Variants in BDP1 observed in about 807,000 individuals in gnomAD.
BDP1 encodes the protein transcription factor TFIIIB component B'' homolog.
Under a neutral mutation model 266.6 loss-of-function variants are expected in BDP1, and 169 were observed. The observed-to-expected ratio is 0.63, with a 90% CI of 0.56 to 0.72. The LOEUF is 0.72. Among genes scored for constraint, BDP1 ranks in the 30% least tolerant of loss-of-function variants. BDP1 has a pLI of 0.00. For missense variants in BDP1, 3,015 were observed against 3,053.8 expected (o/e 0.99, Z 0.30); for synonymous variants, 1,090 against 1,022.4 (o/e 1.07, Z -1.26).
At chr5:71,458,134 C>A (rs1357636661) in intron 1 of BDP1, among the ~76,000 whole-genome samples, 11 of 152,050 alleles carry the variant, frequency 7.2e-5, no homozygotes, top group African/African-American at 2.7e-4. Context: ...TTTGACTGAC[C>A]TCGGGTTGAT....
downstream of BDP1, chr5:71,567,839 A>T (rs1319548432): frequency 6.6e-6 from 1 of 152,142 alleles, no homozygotes; most frequent in Non-Finnish European, 1.5e-5. Context: ...GTGTCCTTTT[A>T]AGATGACTAA....
chr5:71,544,558 G>A, intron 31 of BDP1, 51 bp downstream of exon 31: 1 of 1,550,428 alleles, frequency 6.4e-7, no homozygotes, highest in Non-Finnish European at 8.7e-7. Flanking sequence ...TTCAGCTATA[G>A]CCTTAAGTTG....
chr5:71,564,751 T>C lies in BDP1; in HGVS notation c.7744-3T>C. On this transcript the variant is annotated splice_region_variant and splice_polypyrimidine_tract_variant and intron_variant, in intron 38 of 38. Coordinates refer to ENST00000358731, the MANE Select transcript of BDP1 (RefSeq NM_018429.3). ...TTTTACTTTATTTTTATTACCTTTT[T>C]AGGTTTCTTGTGATCAGCCCTTACT... The C allele has an allele frequency of 6.3e-7, 1 of 1,594,050 alleles. No homozygotes were observed. The highest frequency in any genetic ancestry group is 1.1e-5 in the South Asian group (1 of 87,276).
intron 7 of BDP1, among the ~76,000 whole-genome samples, chr5:71,472,888 C>CTTTTTTTTT (rs57109617): frequency 1.7e-4 from 9 of 53,940 alleles, no homozygotes; most frequent in Admixed American, 2.6e-4. Flanking sequence ...CTCTCTCTCT[C>CTTTTTTTTT]TTTTTTTTTT....
chr5:71,509,938 C>G lies in BDP1; in HGVS notation c.2846C>G (p.Pro949Arg), dbSNP rs746509676. The G allele has an allele frequency of 6.8e-6, 11 of 1,613,320 alleles. No individual in the cohort carries two copies. The highest frequency in any genetic ancestry group is 9.3e-6 in the Non-Finnish European group (11 of 1,179,928). Residue 949 changes from proline (P) to arginine (R), a missense_variant, in exon 17 of 39, where the codon CCT (proline) becomes CGT (arginine). Around this residue, in one of 3 missense-constraint regions of BDP1, gnomAD observed 2,383 missense variants for 2,404.9 expected, o/e 0.99. Coordinates refer to ENST00000358731, the MANE Select transcript of BDP1 (RefSeq NM_018429.3). ...PQKNGPEEVK[P>R]LGEVETDLKA... ...AAAAATGGCCCAGAGGAGGTTAAGC[C>G]TCTAGGTGAAGTGGAGACAGATTTG...
intron 2 of BDP1, among the ~76,000 whole-genome samples, chr5:71,459,070 T>A (rs2150341998): frequency 6.6e-6 from 1 of 152,384 alleles, no homozygotes; most frequent in Middle Eastern, 3.4e-3. Context: ...TATTTATTTA[T>A]GTTTTCACTG....
intron 34 of BDP1, among the ~76,000 whole-genome samples, chr5:71,551,306 T>A (rs938113383): frequency 6.6e-6 from 1 of 152,142 alleles, no homozygotes; most frequent in Admixed American, 6.5e-5. Flanking sequence ...TAGGGACTGG[T>A]GATGACTCTT....
rs1488890041 is a variant in BDP1 at position 71,509,666 on chromosome 5, G to A, written c.2574G>A (p.Lys858=). 2 of 1,612,696 alleles carry A rather than the reference G, an allele frequency of 1.2e-6. No homozygotes were observed. Among genetic ancestry groups the A allele is most frequent in the Admixed American group, 3.4e-5 (2 of 59,654 alleles). ...RETVRLDTSP[K]EMVPAEINTK... is the part of the protein sequence containing the mutation. ...CTGTAAGACTAGACACCTCACCAAA[G>A]GAGATGGTACCAGCAGAGATTAATA... The change falls in exon 17 of 39, where the codon AAG becomes AAA. Residue 858 remains lysine (K), a synonymous_variant. Coordinates refer to ENST00000358731, the MANE Select transcript of BDP1 (RefSeq NM_018429.3).
intron 4 of BDP1, among the ~76,000 whole-genome samples, chr5:71,464,708 T>G (rs1211700156): frequency 7.4e-6 from 1 of 135,826 alleles, no homozygotes; most frequent in Non-Finnish European, 1.6e-5. Flanking sequence ...GTTGGCTAAA[T>G]TTTTTAGTTT....
rs906601294 is a variant in BDP1 at position 71,567,021 on chromosome 5, T to A, written c.*2136T>A. ...TTTAGTGAAATTTATGGCGTAACAC[T>A]TTGTCAGAGAGGAGGCTATATAATT... On this transcript the variant is annotated 3_prime_UTR_variant, in exon 39 of 39. Coordinates refer to ENST00000358731, the MANE Select transcript of BDP1 (RefSeq NM_018429.3). 6 of 152,188 alleles carry A rather than the reference T, an allele frequency of 3.9e-5. No homozygotes were observed. The highest frequency in any genetic ancestry group is 1.4e-4 in the African/African-American group (6 of 41,454). The allele number at this position is 152,188 out of a possible 1,614,324, so 9.4% of individuals were successfully genotyped here.
rs1428818574 is a variant in BDP1 at position 71,497,382 on chromosome 5, G to C, written c.1912G>C (p.Glu638Gln). 4 of 1,613,532 alleles carry C rather than the reference G, an allele frequency of 2.5e-6. No individual in the cohort carries two copies. The highest frequency in any genetic ancestry group is 3.4e-6 in the Non-Finnish European group (4 of 1,179,796). Residue 638 changes from glutamate (E) to glutamine (Q), a missense_variant, in exon 13 of 39, where the codon GAG (glutamate) becomes CAG (glutamine). Around this residue, in one of 3 missense-constraint regions of BDP1, gnomAD observed 2,383 missense variants for 2,404.9 expected, o/e 0.99. Transcript: ENST00000358731. ...ATCAGTTCTTTCACAAGGCAAAACA[G>C]AGTCAGAGAGCAAGAATTCACATTC... ...KKSVLSQGKT[E>Q]SESKNSHSKT...
chr5:71,541,978 A>C (rs1281742621), intron 29 of BDP1, 127 bp from the exon 30 acceptor site: 1 of 721,710 alleles, frequency 1.4e-6, no homozygotes, highest in East Asian at 2.9e-5. Flanking sequence ...TAGTATTAAG[A>C]AATGAACACT....
chr5:71,489,265 A>G, intron 9 of BDP1, 139 bp from the exon 10 acceptor site: 1 of 562,044 alleles, frequency 1.8e-6, no homozygotes, highest in Non-Finnish European at 3.1e-6. Flanking sequence ...GTCATTTCCC[A>G]TTAGACATTT....
chr5:71,508,757 T>G (rs763374975), intron 16 of BDP1, among the ~76,000 whole-genome samples: 1 of 152,242 alleles, frequency 6.6e-6, no homozygotes. Context: ...GATTTTACCA[T>G]CTATTATAAT....
rs185025023 is a variant in BDP1 at position 71,512,090 on chromosome 5, T to C, written c.4060-151T>C. On this transcript the variant is annotated intron_variant, in intron 17 of 38. Coordinates refer to ENST00000358731, the MANE Select transcript of BDP1 (RefSeq NM_018429.3). ...AAAAGGGTTTCCTGAATTCCAAGTT[T>C]TAACATTTGGAAATTAAATTTTATT... The C allele has an allele frequency of 1.1e-3, 452 of 430,354 alleles. 2 individuals are homozygous for C. The highest frequency in any genetic ancestry group is 7.6e-3 in the African/African-American group (371 of 49,014). The allele number at this position is 430,354 out of a possible 1,614,324, so 26.7% of individuals were successfully genotyped here.
intron 16 of BDP1, 146 bp downstream of exon 16, chr5:71,504,897 C>T: frequency 1.3e-6 from 1 of 752,226 alleles, no homozygotes; most frequent in Non-Finnish European, 2.2e-6. Flanking sequence ...CTTCACCTTT[C>T]AAGAAAGTTT....
downstream of BDP1, among the ~76,000 whole-genome samples, chr5:71,572,561 T>C (rs1042390497): frequency 6.6e-6 from 1 of 152,220 alleles, no homozygotes; most frequent in African/African-American, 2.4e-5. Context: ...ATGGGAAGTT[T>C]TCTGAATCAG....
At chr5:71,517,558 A>T in intron 22 of BDP1, 106 bp downstream of exon 22, 2 of 992,650 alleles carry the variant, frequency 2.0e-6, no homozygotes, top group South Asian at 3.7e-5. Flanking sequence ...GAAAATGTTA[A>T]AAGGATAAAG....
rs748032353 is a variant in BDP1, at chr5:71,562,400, A to T, written c.7623A>T (p.Lys2541Asn). 29 of 1,614,046 alleles carry T rather than the reference A, an allele frequency of 1.8e-5. 1 individual carries two copies. The highest frequency in any genetic ancestry group is 2.1e-5 in the Non-Finnish European group (25 of 1,179,976). Residue 2541 changes from lysine (K) to asparagine (N), a missense_variant, in exon 38 of 39, where the codon AAA becomes AAT. By Grantham distance (94) the Lys-to-Asn change is moderately conservative. This residue lies in a region of BDP1 where 629 missense variants were observed against 632.5 expected (regional missense o/e 0.99). Coordinates refer to ENST00000358731, the MANE Select transcript of BDP1 (RefSeq NM_018429.3). ...LKPLIPGLRK[K>N]LKRSNPFNES... ...CTCTTATACCTGGATTAAGAAAGAA[A>T]TTGAAAAGATCTAATCCATTCAATG...
Sources: allele counts gnomAD v4.1 joint callset (sites outside exome capture counted in the v4.1 genomes callset), GRCh38; gene constraint gnomAD v4.1.1; regional missense constraint gnomAD v4.1.1; transcripts MANE v1.5; gene names NCBI Gene and HGNC (gene_info 2026-07-23, HGNC 2026-07-21).